FARSA: variants seen among roughly 807,000 people sequenced by gnomAD.
FARSA encodes phenylalanine--tRNA ligase alpha subunit.
Under a neutral mutation model 63.2 loss-of-function variants are expected in FARSA, and 37 were observed. The ratio of observed to expected loss-of-function variants is 0.59; its 90% CI spans 0.45 to 0.77. The LOEUF (loss-of-function observed/expected upper bound fraction) is 0.77. FARSA is among the 30% of genes least tolerant of loss of function. FARSA has a pLI of 0.00. For missense variants in FARSA, 618 were observed against 696.6 expected (o/e 0.89, Z 1.27); for synonymous variants, 312 against 285.1 (o/e 1.09, Z -0.95).
chr19:12,933,364 G>C lies in FARSA; in HGVS notation c.147+186C>G, dbSNP rs534013837. The C allele has an allele frequency of 1.4e-3, 875 of 647,004 alleles. 11 individuals carry two copies. Among genetic ancestry groups the C allele is most frequent in the South Asian group, 1.6e-3 (78 of 49,082 alleles). The allele number at this position is 647,004 out of a possible 1,614,324, so 40.1% of individuals were successfully genotyped here. The stretch of plus-strand genomic sequence containing the variant: ...GACCGTGCCTCAATAAACGTTTATT[G>C]CATGAGGAACATCCGTGCGTCTGGG... On this transcript the variant is annotated intron_variant, in intron 1 of 12. Coordinates refer to ENST00000314606, the MANE Select transcript of FARSA (RefSeq NM_004461.3).
intron 7 of FARSA, among the ~76,000 whole-genome samples, chr19:12,927,559 C>T (rs1343518010): frequency 2.0e-5 from 3 of 149,756 alleles, no homozygotes; most frequent in Non-Finnish European, 3.0e-5. Context: ...ATGGCAAACC[C>T]CATCTCTATT....
At chr19:12,925,256 T>G (rs1971314197) in intron 7 of FARSA, 82 bp from the exon 8 acceptor site, 1 of 1,237,094 alleles carries the variant, frequency 8.1e-7, no homozygotes, top group East Asian at 2.5e-5. Context: ...CTCACTGTTG[T>G]CCAGGCTGGA....
At chr19:12,929,289 C>T (rs983499291) in intron 4 of FARSA, among the ~76,000 whole-genome samples, 6 of 152,214 alleles carry the variant, frequency 3.9e-5, no homozygotes, top group Non-Finnish European at 7.3e-5. Context: ...TCACTGCATC[C>T]TCCACCTCCC....
At chr19:12,933,463 G>A in intron 1 of FARSA, 87 bp downstream of exon 1, 1 of 1,463,086 alleles carries the variant, frequency 6.8e-7, no homozygotes, top group Non-Finnish European at 9.2e-7. Context: ...CTAGGCCTGA[G>A]GGAATTTGGC....
At chr19:12,927,700 C>G (rs557064819) in intron 7 of FARSA, among the ~76,000 whole-genome samples, 1 of 125,658 alleles carries the variant, frequency 8.0e-6, no homozygotes, top group Non-Finnish European at 1.6e-5. Context: ...CCACTGCACT[C>G]TAGCTTGGGC....
intron 4 of FARSA, among the ~76,000 whole-genome samples, chr19:12,929,920 C>T (rs139832369): frequency 5.6e-4 from 85 of 152,092 alleles, no homozygotes; most frequent in African/African-American, 1.9e-3. Context: ...AGACTAGGGG[C>T]GATGGGCTTC....
chr19:12,933,409 C>T (rs1418520497), intron 1 of FARSA, 141 bp downstream of exon 1: 1 of 1,010,076 alleles, frequency 9.9e-7, no homozygotes, highest in Non-Finnish European at 1.4e-6. Flanking sequence ...GTCCCACTTC[C>T]CGCCCGCACA....
Position 12,930,292 on chromosome 19 carries a change from C to T in FARSA, c.434G>A (p.Gly145Glu). 6.2e-7 allele frequency: 1 copy of T among 1,614,152 alleles called. No individual in the cohort carries two copies. The highest frequency in any genetic ancestry group is 8.5e-7 in the Non-Finnish European group (1 of 1,180,014). ...EVQRRLQLVR[G>E]GQAEKLGEKE... ...CTCCCCCAGCTTCTCAGCCTGTCCC[C>T]CCCGGACCAGCTGGAGCCGCCGCTG... Residue 145 changes from glycine to glutamate, a missense_variant, in exon 4 of 13, where the codon GGG (glycine) becomes GAG (glutamate). Transcript: ENST00000314606.
intron 7 of FARSA, among the ~76,000 whole-genome samples, chr19:12,926,857 G>T (rs1201417274): frequency 6.6e-6 from 1 of 152,180 alleles, no homozygotes; most frequent in Non-Finnish European, 1.5e-5. Flanking sequence ...TTCCTTCTTT[G>T]TAAAAAGGGG....
At position 12,925,539 on chromosome 19, in the gene FARSA, G is replaced by C. The variant is rs1447166015; in HGVS notation, c.842-365C>G. 3.3e-5 allele frequency among the ~76,000 whole-genome samples: 5 copies of C among 150,654 alleles called. No homozygotes were observed. In the East Asian group the frequency reaches 9.9e-4, roughly 30 times the overall value. The stretch of plus-strand genomic sequence containing the variant: ...CACCCGGGAAATTTTTGTATTTTTA[G>C]TAGAGATGGGGTTTCGCCATGTTGG... On this transcript the variant is annotated intron_variant, in intron 7 of 12. Transcript: ENST00000314606.
At chr19:12,931,762 TACAA>T (rs753884857) in intron 1 of FARSA, among the ~76,000 whole-genome samples, 1 of 152,116 alleles carries the variant, frequency 6.6e-6, no homozygotes, top group Non-Finnish European at 1.5e-5. Flanking sequence ...AGGTCCACAT[TACAA>T]ACAAAAACTG....
In FARSA at chr19:12,930,737, C is replaced by T. The variant is rs751843855; in HGVS notation, c.160G>A (p.Glu54Lys). 3.1e-6 allele frequency: 5 copies of T among 1,608,770 alleles called. No individual in the cohort carries two copies. The highest frequency in any genetic ancestry group is 3.4e-6 in the Non-Finnish European group (4 of 1,180,002). ...LQALGEVIEA[E>K]LRSTKHWELT... The stretch of plus-strand genomic sequence containing the variant: ...TCCCAGTGCTTGGTGGACCGAAGTT[C>T]AGCCTCGATGACCTAGAGGGAAATG... Residue 54 changes from glutamate (E) to lysine (K), a missense_variant, in exon 2 of 13, where the codon GAA becomes AAA. Glu to Lys is a moderately conservative substitution (Grantham distance 56, BLOSUM62 1). Coordinates refer to ENST00000314606, the MANE Select transcript of FARSA (RefSeq NM_004461.3).
rs749038897 is a variant in FARSA, at chr19:12,922,698, G to A, written c.*50C>T. The A allele has an allele frequency of 2.5e-6, 4 of 1,606,178 alleles. No homozygotes were observed. The highest frequency in any genetic ancestry group is 2.5e-6 in the Non-Finnish European group (3 of 1,178,394). On this transcript the variant is annotated 3_prime_UTR_variant, in exon 13 of 13. Transcript: ENST00000314606. Reference sequence around the variant, plus strand: ...GGTCACTGGCCAGGGATGCAAAGGAGCGCAGCAGCAGGGACTCGGGGAGGA... The same window carrying A: ...GGTCACTGGCCAGGGATGCAAAGGAACGCAGCAGCAGGGACTCGGGGAGGA...
chr19:12,930,075 C>A (rs570541617), intron 4 of FARSA, 148 bp downstream of exon 4: 30 of 682,236 alleles, frequency 4.4e-5, no homozygotes, highest in South Asian at 1.2e-4. Context: ...CCCCAAGGCA[C>A]GTAGGCTTGA....
intron 7 of FARSA, among the ~76,000 whole-genome samples, chr19:12,926,978 T>A (rs144452624): frequency 6.6e-6 from 1 of 152,284 alleles, no homozygotes; most frequent in East Asian, 1.9e-4. Flanking sequence ...ATGATGTTGC[T>A]CCTCTGGCCA....
Position 12,928,422 on chromosome 19 carries a change from C to T in FARSA, c.761G>A (p.Ser254Asn), listed in dbSNP as rs1292485607. The T allele has an allele frequency of 6.2e-7, 1 of 1,613,972 alleles. No homozygotes were observed. The highest frequency in any genetic ancestry group is 1.3e-5 in the African/African-American group (1 of 74,894). The change falls in exon 7 of 13, where the codon AGC becomes AAC. Residue 254 changes from serine (S) to asparagine (N), a missense_variant. Coordinates refer to ENST00000314606, the MANE Select transcript of FARSA (RefSeq NM_004461.3). Reference sequence around the variant, plus strand: ...GAGGGCGTCAAAGTTCCAGAAGGAGCTCTCAATGAAGTTATCAGTCGGCAT... The same window carrying T: ...GAGGGCGTCAAAGTTCCAGAAGGAGTTCTCAATGAAGTTATCAGTCGGCAT... The part of the protein sequence containing the change: ...TEMPTDNFIE[S>N]SFWNFDALFQ...
rs774835795 is a variant in FARSA, at chr19:12,928,593, G to A, written c.667C>T (p.His223Tyr). 2.0e-5 allele frequency: 32 copies of A among 1,613,158 alleles called. No homozygotes were observed. Among genetic ancestry groups the A allele is most frequent in the Non-Finnish European group, 2.6e-5 (31 of 1,179,610 alleles). The change falls in exon 6 of 13, where the codon CAC becomes TAC. Residue 223 changes from histidine (H) to tyrosine (Y), a missense_variant. Coordinates refer to ENST00000314606, the MANE Select transcript of FARSA (RefSeq NM_004461.3). ...CGGACCTTGAGCAGCGGGTGAAGGT[G>A]GCCGCTGTCGGGGAGGACACCGTGG... ...LAHGVLPDSG[H>Y]LHPLLKVRSQ...
At chr19:12,928,023 C>CAAG (rs1971346769) in intron 7 of FARSA, among the ~76,000 whole-genome samples, 1 of 73,384 alleles carries the variant, frequency 1.4e-5, no homozygotes, top group Non-Finnish European at 2.5e-5. Context: ...GACCCTGTCT[C>CAAG]AAAAAAAAAA....
chr19:12,931,410 C>T lies in FARSA; in HGVS notation c.148-661G>A, dbSNP rs930803017. ...TCCCGAGTAGCTCGGATTACAGGTG[C>T]CCACCACCACCCCCAGCTAATTTTT... On this transcript the variant is annotated intron_variant, in intron 1 of 12. Transcript: ENST00000314606. Among the ~76,000 whole-genome samples, 7 of 152,064 alleles carry T rather than the reference C, an allele frequency of 4.6e-5. No individual in the cohort carries two copies. In the East Asian group the frequency reaches 1.2e-3, roughly 25 times the overall value.
Sources: gnomAD v4.1 joint callset for allele counts (sites outside exome capture counted in the v4.1 genomes callset) on GRCh38, gnomAD v4.1.1 for gene constraint, MANE v1.5 for transcripts, NCBI Gene and HGNC (gene_info 2026-07-23, HGNC 2026-07-21) for gene names.